The following AUTS2 variants were observed in gnomAD, a reference collection of about 807,000 sequenced individuals.
The protein encoded by AUTS2 is activator of transcription and developmental regulator AUTS2.
In AUTS2, 17 loss-of-function variants were observed where a neutral mutation model predicts 112.4. The observed-to-expected ratio is 0.15, with a 90% CI of 0.10 to 0.23. The LOEUF is 0.23. Ranked by LOEUF, AUTS2 falls within the 10% of genes least tolerant of loss-of-function variation. AUTS2 has a pLI of 1.00. For missense variants in AUTS2, 1,510 were observed against 1,701.6 expected (o/e 0.89, Z 1.98); for synonymous variants, 751 against 702.7 (o/e 1.07, Z -1.09).
Position 70,621,010 on chromosome 7 carries a change from C to T in AUTS2, c.691-77559C>T, listed in dbSNP as rs1804643539. The stretch of plus-strand genomic sequence containing the variant: ...GGCCTGAGCTCAGAGCGGGGAGGAC[C>T]ATGAGGGGCCGCGGTATGGCGGCGG... On this transcript the variant is annotated intron_variant, in intron 5 of 18. Transcript: ENST00000342771. 2.6e-5 allele frequency among the ~76,000 whole-genome samples: 4 copies of T among 152,312 alleles called. No homozygotes were observed. In the South Asian group the frequency reaches 8.3e-4, roughly 32 times the overall value.
rs10537541 is a variant in AUTS2 at position 70,460,338 on chromosome 7, C to CTT, written c.690+24585_690+24586dup. Among the ~76,000 whole-genome samples, 64 of 38,218 alleles carry CTT rather than the reference C, an allele frequency of 1.7e-3. 7 individuals are homozygous for CTT. The highest frequency in any genetic ancestry group is 4.4e-3 in the African/African-American group (40 of 9,124). The allele number at this position is 38,218 out of a possible 152,430, so 25.1% of individuals were successfully genotyped here. A position where few individuals can be genotyped will look rare whatever the true frequency, so the allele number is the denominator to read the frequency against. ...CCAACCTCAGCAAGGACAGCCTGGT[C>CTT]TTTTTTTTTTTTTTTTTTTTTTTTT... On this transcript the variant is annotated intron_variant, in intron 5 of 18. Transcript: ENST00000342771.
intron 5 of AUTS2, among the ~76,000 whole-genome samples, chr7:70,499,090 C>A (rs1178226503): frequency 6.6e-6 from 1 of 152,116 alleles, no homozygotes; most frequent in Admixed American, 6.5e-5. Flanking sequence ...ACTGAGGTGG[C>A]CACCATCTCA....
intron 1 of AUTS2, among the ~76,000 whole-genome samples, chr7:69,634,935 A>C (rs1007420752): frequency 6.6e-6 from 1 of 151,848 alleles, no homozygotes; most frequent in African/African-American, 2.4e-5. Context: ...TGAGTGTGTG[A>C]TTTTTCAGGG....
chr7:70,763,965 G>C (rs545644772), intron 7 of AUTS2, among the ~76,000 whole-genome samples: 1 of 152,156 alleles, frequency 6.6e-6, no homozygotes, highest in Non-Finnish European at 1.5e-5. Context: ...ACAAAGAAGC[G>C]TCTAAAAAGC....
chr7:70,135,802 T>C (rs1238123650), intron 4 of AUTS2, among the ~76,000 whole-genome samples: 1 of 152,206 alleles, frequency 6.6e-6, no homozygotes, highest in Non-Finnish European at 1.5e-5. Context: ...TTCAGTATCC[T>C]GCTTCAGCAG....
intron 4 of AUTS2, among the ~76,000 whole-genome samples, chr7:70,327,895 G>A (rs1441554013): frequency 6.6e-6 from 1 of 152,080 alleles, no homozygotes; most frequent in Non-Finnish European, 1.5e-5. Context: ...AAAATTCTTG[G>A]TACTTAGGTA....
chr7:69,995,153 A>G (rs1009525779), intron 2 of AUTS2, among the ~76,000 whole-genome samples: 5 of 152,164 alleles, frequency 3.3e-5, no homozygotes, highest in Admixed American at 6.5e-5. Context: ...TTTTTTCTCA[A>G]GAGAGCAAAC....
chr7:70,214,429 T>A (rs952579603), intron 4 of AUTS2, among the ~76,000 whole-genome samples: 5 of 152,238 alleles, frequency 3.3e-5, no homozygotes, highest in Non-Finnish European at 5.9e-5. Context: ...CATTTTCAAC[T>A]TAGCTTTTGG....
chr7:69,698,541 G>A (rs1477758421), intron 1 of AUTS2, among the ~76,000 whole-genome samples: 3 of 152,142 alleles, frequency 2.0e-5, no homozygotes, highest in Admixed American at 6.5e-5. Flanking sequence ...TAGGATCACT[G>A]ATGTCATAGG....
intron 4 of AUTS2, among the ~76,000 whole-genome samples, chr7:70,145,861 C>A (rs948791237): frequency 6.6e-6 from 1 of 152,102 alleles, no homozygotes; most frequent in African/African-American, 2.4e-5. Context: ...TTGGTTTCAG[C>A]ACATCTATGG....
intron 1 of AUTS2, among the ~76,000 whole-genome samples, chr7:69,671,121 A>G (rs1315213015): frequency 2.6e-5 from 4 of 152,330 alleles, no homozygotes; most frequent in Admixed American, 1.3e-4. Context: ...GTTAAACTCT[A>G]GAGTATAACT....
chr7:69,897,195 A>G (rs1794785372), intron 1 of AUTS2, among the ~76,000 whole-genome samples: 1 of 152,246 alleles, frequency 6.6e-6, no homozygotes, highest in East Asian at 1.9e-4. Context: ...CAACACTGCT[A>G]AGAGTCACTG....
At chr7:70,383,569 T>C (rs142526298) in intron 4 of AUTS2, among the ~76,000 whole-genome samples, 1 of 152,338 alleles carries the variant, frequency 6.6e-6, no homozygotes, top group African/African-American at 2.4e-5. Flanking sequence ...CTGTTCTGCA[T>C]CTTTGAGGCA....
chr7:69,917,039 G>T (rs915607010), intron 2 of AUTS2, among the ~76,000 whole-genome samples: 1 of 152,000 alleles, frequency 6.6e-6, no homozygotes, highest in Non-Finnish European at 1.5e-5. Flanking sequence ...TTTTAGAGAG[G>T]ATCTCACTCT....
chr7:69,762,375 C>G (rs910917065), intron 1 of AUTS2, among the ~76,000 whole-genome samples: 1 of 124,242 alleles, frequency 8.0e-6, no homozygotes, highest in Admixed American at 1.1e-4. Context: ...GGCACTATCT[C>G]GGTTCACTGC....
At chr7:70,023,226 A>G (rs555214657) in intron 2 of AUTS2, among the ~76,000 whole-genome samples, 2 of 152,320 alleles carry the variant, frequency 1.3e-5, no homozygotes, top group South Asian at 2.1e-4. Flanking sequence ...ATGCAGCTTA[A>G]TTTCTAATCA....
At chr7:70,019,327 C>T (rs1435518364) in intron 2 of AUTS2, among the ~76,000 whole-genome samples, 5 of 152,022 alleles carry the variant, frequency 3.3e-5, no homozygotes, top group African/African-American at 1.2e-4. Flanking sequence ...GGCTTAATAC[C>T]TGGGTGATGA....
chr7:69,975,541 G>C (rs1283362574), intron 2 of AUTS2, among the ~76,000 whole-genome samples: 1 of 151,428 alleles, frequency 6.6e-6, no homozygotes, highest in African/African-American at 2.4e-5. Flanking sequence ...GTTTTTTGTT[G>C]TTGTTTTGTT....
intron 1 of AUTS2, among the ~76,000 whole-genome samples, chr7:69,720,852 G>A (rs954501925): frequency 3.3e-5 from 5 of 152,136 alleles, no homozygotes; most frequent in South Asian, 4.2e-4. Flanking sequence ...AAATCACTAC[G>A]AAATATTTTG....
Sources: gnomAD v4.1 joint callset for allele counts (sites outside exome capture counted in the v4.1 genomes callset) on GRCh38, gnomAD v4.1.1 for gene constraint, MANE v1.5 for transcripts, NCBI Gene and HGNC (gene_info 2026-07-23, HGNC 2026-07-21) for gene names.